LRRC53: variants seen among roughly 807,000 people sequenced by gnomAD.
LRRC53 encodes leucine rich repeat containing 53, also known as leucine-rich repeat-containing protein 53.
In LRRC53, 25 loss-of-function variants were observed where a neutral mutation model predicts 13.6. That is an observed-to-expected ratio of 1.83 (90% CI 1.34 to 2.56). LRRC53 has a LOEUF of 2.56. LRRC53 is among the 30% of genes most tolerant of loss of function. The probability of loss-of-function intolerance (pLI) is 0.00; values close to 1 mark genes in which losing one functional copy is unlikely to be tolerated. For missense variants in LRRC53, 527 were observed against 275.8 expected (o/e 1.91, Z -6.45); for synonymous variants, 204 against 109.8 (o/e 1.86, Z -5.37).
At chr1:74,520,246 T>C in the LRRC53 span, among the ~76,000 whole-genome samples, 1 of 152,166 alleles carries the variant, frequency 6.6e-6, no homozygotes, top group Admixed American at 6.5e-5. Context: ...AATTCAGTTT[T>C]TCAAAAAATT....
upstream of LRRC53, among the ~76,000 whole-genome samples, chr1:74,516,521 T>G (rs1234758502): frequency 1.3e-5 from 2 of 152,122 alleles, no homozygotes; most frequent in African/African-American, 4.8e-5. Flanking sequence ...AAGTTCATTG[T>G]GTGTAGAGCC....
chr1:74,497,996 G>C (rs1669420722), intron 1 of LRRC53, among the ~76,000 whole-genome samples: 1 of 151,928 alleles, frequency 6.6e-6, no homozygotes, highest in South Asian at 2.1e-4. Flanking sequence ...TTGTTTGTTT[G>C]TTTGTTTGTT....
intron 1 of LRRC53, chr1:74,492,200 C>T: frequency 6.2e-7 from 1 of 1,612,666 alleles, no homozygotes. Flanking sequence ...CATGTGGCAG[C>T]ATTAAGAAGT....
chr1:74,476,862 T>C (rs1262185502), intron 3 of LRRC53, among the ~76,000 whole-genome samples: 2 of 152,142 alleles, frequency 1.3e-5, no homozygotes, highest in East Asian at 1.9e-4. Flanking sequence ...AAAGGGAGGG[T>C]ATCAGGTCAT....
the LRRC53 span, among the ~76,000 whole-genome samples, chr1:74,528,806 T>G: frequency 6.6e-6 from 1 of 152,224 alleles, no homozygotes; most frequent in Admixed American, 6.5e-5. Flanking sequence ...GGAACACACC[T>G]GGCACCTTGA....
At chr1:74,482,489 T>G (rs1314075893) in intron 2 of LRRC53, among the ~76,000 whole-genome samples, 1 of 152,178 alleles carries the variant, frequency 6.6e-6, no homozygotes, top group Non-Finnish European at 1.5e-5. Context: ...GATATACACA[T>G]CAACTATCCA....
chr1:74,499,108 G>T (rs766888195), intron 1 of LRRC53, among the ~76,000 whole-genome samples: 2 of 152,140 alleles, frequency 1.3e-5, no homozygotes, highest in Non-Finnish European at 2.9e-5. Flanking sequence ...ATGCAGGTGC[G>T]TGCACACTGG....
chr1:74,528,339 G>A, the LRRC53 span, among the ~76,000 whole-genome samples: 4 of 152,090 alleles, frequency 2.6e-5, no homozygotes, highest in African/African-American at 9.7e-5. Flanking sequence ...GCTGAGTGCT[G>A]GATCCCCAGG....
chr1:74,515,199 C>T (rs750319624), upstream of LRRC53, among the ~76,000 whole-genome samples: 1 of 152,126 alleles, frequency 6.6e-6, no homozygotes, highest in Admixed American at 6.5e-5. Context: ...TTGGAACTTT[C>T]TTATGGCAGC....
At chr1:74,492,142 T>C in intron 1 of LRRC53, 1 of 1,594,714 alleles carries the variant, frequency 6.3e-7, no homozygotes, top group African/African-American at 1.3e-5. Context: ...TCTCTCACCT[T>C]CTTCTTCTTC....
chr1:74,506,677 T>C (rs1402747503), intron 1 of LRRC53, among the ~76,000 whole-genome samples: 1 of 152,226 alleles, frequency 6.6e-6, no homozygotes, highest in East Asian at 1.9e-4. Context: ...CTGCCGAATC[T>C]GCATTTTAAC....
intron 1 of LRRC53, among the ~76,000 whole-genome samples, chr1:74,491,252 G>A (rs45621337): frequency 0.031 from 4,779 of 152,184 alleles, 253 homozygotes; most frequent in African/African-American, 0.11. Context: ...AGAGAGTCTC[G>A]CTCTGTCTCC....
the LRRC53 span, among the ~76,000 whole-genome samples, chr1:74,532,374 C>T: frequency 6.6e-6 from 1 of 152,064 alleles, no homozygotes; most frequent in African/African-American, 2.4e-5. Context: ...AATCCAAAAC[C>T]CTTTAACTTA....
At chr1:74,516,002 A>G (rs1646342826), upstream of LRRC53, among the ~76,000 whole-genome samples, 1 of 152,210 alleles carries the variant, frequency 6.6e-6, no homozygotes, top group Admixed American at 6.5e-5. Context: ...AGAGAGTAGT[A>G]CTGATGTCTT....
At chr1:74,535,526 G>A in the LRRC53 span, among the ~76,000 whole-genome samples, 610 of 152,144 alleles carry the variant, frequency 4.0e-3, 5 homozygotes, top group African/African-American at 0.014. Flanking sequence ...AATCTGGGAC[G>A]TCACTTGTCA....
rs1421489033 is a variant in LRRC53 at position 74,469,952 on chromosome 1, T to C, written c.3670A>G (p.Asn1224Asp). 1 of 400,548 alleles carries C rather than the reference T, an allele frequency of 2.5e-6. No individual in the cohort carries two copies. The highest frequency in any genetic ancestry group is 1.3e-4 in the South Asian group (1 of 7,956). 24.8% of individuals were successfully genotyped at this position (400,548 alleles called of 1,614,324 possible). The change falls in exon 5 of 5, where the codon AAC (asparagine) becomes GAC (aspartate). Residue 1224 changes from asparagine (N) to aspartate (D), a missense_variant. By Grantham distance (23) the Asn-to-Asp change is conservative. Coordinates refer to ENST00000294635, the MANE Select transcript of LRRC53 (RefSeq NM_001382280.1). ...LVPSRINEAE[N>D]SAPKPVLYPP... is the part of the protein sequence containing the mutation. The stretch of plus-strand genomic sequence containing the variant: ...TACAGTACAGGTTTTGGAGCAGAGT[T>C]TTCAGCTTCATTTATTCTGCTAGGA...
chr1:74,510,736 T>C (rs1054040606), intron 1 of LRRC53, among the ~76,000 whole-genome samples: 8 of 152,208 alleles, frequency 5.3e-5, no homozygotes, highest in African/African-American at 7.2e-5. Context: ...ATGGCTAGCA[T>C]TGAAAAGTTC....
chr1:74,528,461 C>T, the LRRC53 span, among the ~76,000 whole-genome samples: 27 of 152,002 alleles, frequency 1.8e-4, no homozygotes, highest in African/African-American at 4.8e-4. Context: ...TTGGAGCCCC[C>T]GTGGGTAAAG....
chr1:74,490,767 G>A (rs1464726143), intron 1 of LRRC53, among the ~76,000 whole-genome samples: 1 of 152,234 alleles, frequency 6.6e-6, no homozygotes, highest in Non-Finnish European at 1.5e-5. Context: ...ATCAAGTTAA[G>A]AGGGACAGAA....
Sources: allele counts gnomAD v4.1 joint callset (sites outside exome capture counted in the v4.1 genomes callset), GRCh38; gene constraint gnomAD v4.1.1; transcripts MANE v1.5; gene names NCBI Gene and HGNC (gene_info 2026-07-23, HGNC 2026-07-21).